Variants in PPHLN1 observed in about 807,000 individuals in gnomAD.
The protein encoded by PPHLN1 is periphilin 1.
Under a neutral mutation model 51.3 loss-of-function variants are expected in PPHLN1, and 29 were observed. The ratio of observed to expected loss-of-function variants is 0.57; its 90% CI spans 0.42 to 0.77. The LOEUF is 0.77. PPHLN1 is among the 30% of genes least tolerant of loss of function. The pLI, the probability that PPHLN1 is intolerant of heterozygous loss-of-function variation, is 0.00. For synonymous variants in PPHLN1, 147 were observed against 147.8 expected (o/e 0.99, Z 0.04); for missense variants, 436 against 438.4 (o/e 0.99, Z 0.05).
At chr12:42,340,195 C>T (rs1402026370) in intron 2 of PPHLN1, among the ~76,000 whole-genome samples, 1 of 151,242 alleles carries the variant, frequency 6.6e-6, no homozygotes, top group Non-Finnish European at 1.5e-5. Flanking sequence ...GTAGTCCCAC[C>T]TACATTGGGA....
At chr12:42,347,170 G>C (rs1229989675) in intron 2 of PPHLN1, 1 of 152,206 alleles carries the variant, frequency 6.6e-6, no homozygotes, top group Non-Finnish European at 1.5e-5. Flanking sequence ...GAAGTGTAAT[G>C]CTTGCCTAGG....
chr12:42,335,478 G>A (rs911716477), intron 1 of PPHLN1, among the ~76,000 whole-genome samples: 5 of 151,914 alleles, frequency 3.3e-5, no homozygotes, highest in Non-Finnish European at 5.9e-5. Flanking sequence ...TTATTTATAC[G>A]AACTATTCAC....
At chr12:42,400,771 CTCTT>C (rs1246493615) in intron 9 of PPHLN1, among the ~76,000 whole-genome samples, 2 of 145,976 alleles carry the variant, frequency 1.4e-5, no homozygotes, top group Non-Finnish European at 3.0e-5. Flanking sequence ...CTCTCTCTCT[CTCTT>C]TCTCTCTCTC....
chr12:42,370,245 C>A (rs1463146988), intron 4 of PPHLN1, among the ~76,000 whole-genome samples: 2 of 152,184 alleles, frequency 1.3e-5, no homozygotes, highest in Non-Finnish European at 2.9e-5. Context: ...GGTTGATGCC[C>A]ATGAATTTGC....
intron 6 of PPHLN1, 172 bp from the exon 7 acceptor site, chr12:42,387,284 G>T (rs2139055558): frequency 3.2e-6 from 2 of 617,500 alleles, no homozygotes; most frequent in South Asian, 5.5e-5. Context: ...TGTTGATGGT[G>T]CTTAGCCTCT....
chr12:42,434,942 C>T (rs1029171523), intron 9 of PPHLN1, among the ~76,000 whole-genome samples: 2 of 152,230 alleles, frequency 1.3e-5, no homozygotes, highest in Admixed American at 1.3e-4. Flanking sequence ...ATCTGCCCGC[C>T]CTGGCCTCCC....
rs1211032195 is a variant in PPHLN1, at chr12:42,441,527, A to G, written c.*18A>G. 2.7e-5 allele frequency: 5 copies of G among 183,212 alleles called. No individual in the cohort carries two copies. Among genetic ancestry groups the G allele is most frequent in the Admixed American group, 6.6e-5 (1 of 15,074 alleles). The allele number at this position is 183,212 out of a possible 1,614,324, so 11.3% of individuals were successfully genotyped here. On this transcript the variant is annotated 3_prime_UTR_variant, in exon 10 of 10. Coordinates refer to ENST00000358314, the MANE Select transcript of PPHLN1 (RefSeq NM_201439.2). ...CTTTTTAGATTTTTCTGCTCAGGCTAAAAAAAAAAAAAAACAGTTTCTAAA... is the reference window on the plus strand; with the variant it reads ...CTTTTTAGATTTTTCTGCTCAGGCTGAAAAAAAAAAAAAACAGTTTCTAAA...
chr12:42,381,685 A>C (rs575731198), intron 5 of PPHLN1, among the ~76,000 whole-genome samples: 1 of 152,290 alleles, frequency 6.6e-6, no homozygotes, highest in Admixed American at 6.5e-5. Context: ...TTCTTGAGTA[A>C]ATCAGTAGAT....
chr12:42,346,101 A>G (rs1288405610), intron 2 of PPHLN1, among the ~76,000 whole-genome samples: 1 of 152,160 alleles, frequency 6.6e-6, no homozygotes, highest in Non-Finnish European at 1.5e-5. Flanking sequence ...AACACCTAAA[A>G]TTTGTATATT....
chr12:42,383,839 C>A (rs1276424351), intron 5 of PPHLN1, among the ~76,000 whole-genome samples: 1 of 151,734 alleles, frequency 6.6e-6, no homozygotes, highest in Non-Finnish European at 1.5e-5. Context: ...AAAAAATTAG[C>A]CAGGTGTGGT....
chr12:42,434,973 G>A lies in PPHLN1; in HGVS notation c.910-6342G>A, dbSNP rs569336365. On this transcript the variant is annotated intron_variant, in intron 9 of 9. Transcript: ENST00000358314. ...CTCCCAAAGTGCTGGGATTACAGGCGTGAGCCACCGCGCCCAGCCCTGTTT... is the reference window on the plus strand; with the variant it reads ...CTCCCAAAGTGCTGGGATTACAGGCATGAGCCACCGCGCCCAGCCCTGTTT... Among the ~76,000 whole-genome samples the A allele has an allele frequency of 9.2e-5, 14 of 152,352 alleles. 1 individual carries two copies. The highest frequency in any genetic ancestry group is 7.2e-4 in the Admixed American group (11 of 15,306).
chr12:42,351,119 TATTG>T (rs751059078), intron 2 of PPHLN1, among the ~76,000 whole-genome samples: 13 of 152,264 alleles, frequency 8.5e-5, no homozygotes, highest in Non-Finnish European at 1.3e-4. Flanking sequence ...TCTCATTTGA[TATTG>T]ATTGATGTGT....
intron 9 of PPHLN1, among the ~76,000 whole-genome samples, chr12:42,406,802 T>G (rs939079515): frequency 2.0e-5 from 3 of 152,194 alleles, no homozygotes; most frequent in African/African-American, 7.2e-5. Context: ...TTTGTCTTAC[T>G]ATTTAAAATT....
intron 9 of PPHLN1, among the ~76,000 whole-genome samples, chr12:42,410,109 A>C (rs1393033389): frequency 1.3e-5 from 2 of 152,042 alleles, no homozygotes; most frequent in African/African-American, 4.8e-5. Flanking sequence ...GTAGCTTTGG[A>C]AAAGCTTAAA....
At chr12:42,400,776 TCTCTCTCTCTCTCTCTCTCTTTCACACA>T (rs1212460880) in intron 9 of PPHLN1, among the ~76,000 whole-genome samples, 6 of 126,044 alleles carry the variant, frequency 4.8e-5, no homozygotes, top group Non-Finnish European at 9.4e-5. Context: ...TCTCTCTCTT[TCTCTCTCTCTCTCTCTCTCTTTCACACA>T]CACACACACA....
intron 5 of PPHLN1, among the ~76,000 whole-genome samples, chr12:42,379,861 G>A (rs1303970741): frequency 6.6e-6 from 1 of 152,034 alleles, no homozygotes; most frequent in Non-Finnish European, 1.5e-5. Flanking sequence ...TATGCTGGAT[G>A]TGTTTTGTAT....
At chr12:42,391,741 A>T (rs2077736702) in intron 7 of PPHLN1, among the ~76,000 whole-genome samples, 2 of 152,204 alleles carry the variant, frequency 1.3e-5, no homozygotes, top group Non-Finnish European at 2.9e-5. Flanking sequence ...ATTACTTATA[A>T]TACCTTTTTA....
chr12:42,343,764 G>A (rs1479968963), intron 2 of PPHLN1: 21 of 319,468 alleles, frequency 6.6e-5, no homozygotes, highest in Admixed American at 2.1e-4. Context: ...GTTTTCAGAA[G>A]AAATGTGATC....
chr12:42,433,017 C>T (rs147687590), intron 9 of PPHLN1: 7 of 1,105,618 alleles, frequency 6.3e-6, no homozygotes, highest in African/African-American at 4.6e-5. Context: ...GCACACGCCT[C>T]TCTCATATCC....
Sources: allele counts gnomAD v4.1 joint callset (sites outside exome capture counted in the v4.1 genomes callset), GRCh38; gene constraint gnomAD v4.1.1; transcripts MANE v1.5; gene names NCBI Gene and HGNC (gene_info 2026-07-23, HGNC 2026-07-21).